The following EYA4 variants were observed in gnomAD, a reference collection of about 807,000 sequenced individuals.
The protein encoded by EYA4 is EYA transcriptional coactivator and phosphatase 4, also known as protein phosphatase EYA4.
Under a neutral mutation model 87.9 loss-of-function variants are expected in EYA4, and 31 were observed. The ratio of observed to expected loss-of-function variants is 0.35; its 90% CI spans 0.27 to 0.48. The LOEUF (loss-of-function observed/expected upper bound fraction) is 0.48. EYA4 is among the 20% of genes least tolerant of loss of function. The probability of loss-of-function intolerance (pLI) is 0.99; values close to 1 mark genes in which losing one functional copy is unlikely to be tolerated. For synonymous variants in EYA4, 263 were observed against 270.6 expected, an observed-to-expected ratio of 0.97 and a Z score of 0.28; for missense variants, 678 against 761.4, an observed-to-expected ratio of 0.89 and a Z score of 1.29.
At chr6:133,452,258 A>T (rs1793519654) in intron 5 of EYA4, among the ~76,000 whole-genome samples, 1 of 152,162 alleles carries the variant, frequency 6.6e-6, no homozygotes, top group Admixed American at 6.5e-5. Context: ...AAAGAAGTGT[A>T]TGTGGAATTA....
At chr6:133,452,118 A>G (rs576526177) in intron 5 of EYA4, among the ~76,000 whole-genome samples, 2 of 152,240 alleles carry the variant, frequency 1.3e-5, no homozygotes, top group South Asian at 4.1e-4. Context: ...GATTATTAAA[A>G]CCAGTAGGCA....
chr6:133,411,916 C>A (rs1789275049), intron 3 of EYA4, among the ~76,000 whole-genome samples: 1 of 152,212 alleles, frequency 6.6e-6, no homozygotes, highest in Non-Finnish European at 1.5e-5. Context: ...AGATAGCATT[C>A]CATCAAGCTT....
intron 1 of EYA4, among the ~76,000 whole-genome samples, chr6:133,261,694 G>A (rs141228996): frequency 1.5e-4 from 23 of 152,230 alleles, no homozygotes; most frequent in Non-Finnish European, 2.9e-4. Flanking sequence ...TAGTTGAGCA[G>A]GGTTAAAAAT....
intron 3 of EYA4, among the ~76,000 whole-genome samples, chr6:133,436,958 G>A (rs1317066424): frequency 6.6e-6 from 1 of 152,062 alleles, no homozygotes; most frequent in Non-Finnish European, 1.5e-5. Context: ...GGTTTGAAGA[G>A]GATATTTCAA....
chr6:133,496,356 T>A (rs1021429522), intron 13 of EYA4, among the ~76,000 whole-genome samples: 1 of 152,204 alleles, frequency 6.6e-6, no homozygotes, highest in African/African-American at 2.4e-5. Context: ...CATAGTGATT[T>A]TTTTGATTAT....
At chr6:133,500,097 A>G (rs1053612671) in intron 13 of EYA4, among the ~76,000 whole-genome samples, 3 of 151,174 alleles carry the variant, frequency 2.0e-5, no homozygotes, top group South Asian at 2.1e-4. Context: ...GATGATGCCA[A>G]TGGTGCTGGT....
chr6:133,272,483 G>T (rs1776778490), intron 1 of EYA4, among the ~76,000 whole-genome samples: 1 of 152,170 alleles, frequency 6.6e-6, no homozygotes, highest in South Asian at 2.1e-4. Context: ...AAAGCTCCCA[G>T]TTCATGATAG....
At chr6:133,320,548 CA>C (rs748087855) in intron 2 of EYA4, among the ~76,000 whole-genome samples, 124 of 150,532 alleles carry the variant, frequency 8.2e-4, no homozygotes, top group Admixed American at 1.6e-3. Flanking sequence ...ATTATAAATT[CA>C]GGGGGTACAT....
intron 9 of EYA4, 142 bp from the exon 10 acceptor site, chr6:133,464,637 T>C (rs1209920557): frequency 3.0e-6 from 2 of 666,028 alleles, no homozygotes; most frequent in Non-Finnish European, 5.4e-6. Context: ...AAGCCTATTT[T>C]CTGTATAAAT....
intron 2 of EYA4, among the ~76,000 whole-genome samples, chr6:133,339,922 G>T (rs896478334): frequency 1.3e-5 from 2 of 152,154 alleles, no homozygotes; most frequent in African/African-American, 4.8e-5. Flanking sequence ...AATCATCAGG[G>T]ACGGTGGCCA....
At chr6:133,515,087 CCA>C (rs1799471910) in intron 16 of EYA4, among the ~76,000 whole-genome samples, 1 of 152,190 alleles carries the variant, frequency 6.6e-6, no homozygotes, top group South Asian at 2.1e-4. Context: ...GAGACTGGGG[CCA>C]CTTTTCAGTG....
intron 2 of EYA4, among the ~76,000 whole-genome samples, chr6:133,366,629 A>G (rs1489036300): frequency 2.0e-5 from 3 of 152,258 alleles, no homozygotes; most frequent in Non-Finnish European, 4.4e-5. Flanking sequence ...GCAAATGGCA[A>G]ATGAAATGAT....
At chr6:133,302,801 A>G (rs944620391) in intron 2 of EYA4, among the ~76,000 whole-genome samples, 1 of 152,250 alleles carries the variant, frequency 6.6e-6, no homozygotes. Flanking sequence ...AAAAGTTCGT[A>G]GAATTTTAAA....
chr6:133,467,218 G>A (rs1177060886), intron 10 of EYA4, among the ~76,000 whole-genome samples: 4 of 152,040 alleles, frequency 2.6e-5, no homozygotes, highest in East Asian at 1.9e-4. Context: ...GAATTAGTAG[G>A]CTAACAGAGA....
Position 133,530,517 on chromosome 6 carries a change from G to A in EYA4, c.*1712G>A. On this transcript the variant is annotated 3_prime_UTR_variant, in exon 20 of 20. Transcript: ENST00000355286. ...TGTGGATCCTGGAGTCAGGCTACTAGTCAGTGCCCCTAGCCAGAGGCTGGT... is the reference window on the plus strand; with the variant it reads ...TGTGGATCCTGGAGTCAGGCTACTAATCAGTGCCCCTAGCCAGAGGCTGGT... The A allele has an allele frequency of 2.0e-6, 2 of 985,834 alleles. No individual in the cohort carries two copies. The highest frequency in any genetic ancestry group is 3.5e-5 in the African/African-American group (2 of 57,360). 61.1% of individuals were successfully genotyped at this position (985,834 alleles called of 1,614,324 possible). A position where few individuals can be genotyped will look rare whatever the true frequency, so the allele number is the denominator to read the frequency against.
intron 19 of EYA4, among the ~76,000 whole-genome samples, chr6:133,528,135 C>T (rs897051179): frequency 6.6e-6 from 1 of 152,128 alleles, no homozygotes; most frequent in East Asian, 1.9e-4. Flanking sequence ...CAATTCTACG[C>T]CAGTGAAATA....
intron 2 of EYA4, among the ~76,000 whole-genome samples, chr6:133,364,923 A>G (rs563116780): frequency 2.6e-5 from 4 of 152,326 alleles, no homozygotes; most frequent in Non-Finnish European, 5.9e-5. Flanking sequence ...GTTAGGGATC[A>G]TCCTCTTTTT....
intron 11 of EYA4, among the ~76,000 whole-genome samples, chr6:133,476,566 G>T (rs893148030): frequency 2.0e-5 from 3 of 152,002 alleles, no homozygotes; most frequent in Admixed American, 2.0e-4. Context: ...CATCCTTGTT[G>T]TCTCAAATGA....
intron 3 of EYA4, among the ~76,000 whole-genome samples, chr6:133,412,836 C>T (rs1789357375): frequency 6.6e-6 from 1 of 152,136 alleles, no homozygotes; most frequent in South Asian, 2.1e-4. Flanking sequence ...GTTGTTTTTG[C>T]TGTCCTCTTC....
Sources: allele counts gnomAD v4.1 joint callset (sites outside exome capture counted in the v4.1 genomes callset), GRCh38; gene constraint gnomAD v4.1.1; transcripts MANE v1.5; gene names NCBI Gene and HGNC (gene_info 2026-07-23, HGNC 2026-07-21).